The following PGGT1B variants were observed in gnomAD, a reference collection of about 807,000 sequenced individuals.
PGGT1B encodes the protein protein geranylgeranyltransferase type I subunit beta.
In PGGT1B, 30 loss-of-function variants were observed where a neutral mutation model predicts 46.1. The ratio of observed to expected loss-of-function variants is 0.65; its 90% CI spans 0.49 to 0.88. PGGT1B has a LOEUF of 0.88. PGGT1B is among the 40% of genes least tolerant of loss of function. PGGT1B has a pLI of 0.00. For synonymous variants in PGGT1B, 170 were observed against 160.0 expected (o/e 1.06, Z -0.47); for missense variants, 376 against 455.9 (o/e 0.82, Z 1.60).
chr5:115,234,728 G>T (rs1757118736), intron 5 of PGGT1B, among the ~76,000 whole-genome samples: 1 of 152,002 alleles, frequency 6.6e-6, no homozygotes, highest in Non-Finnish European at 1.5e-5. Flanking sequence ...AGCCAGGACT[G>T]CTTGTCACTA....
At chr5:115,213,288 G>C (rs1429721895) in intron 8 of PGGT1B, among the ~76,000 whole-genome samples, 4 of 152,104 alleles carry the variant, frequency 2.6e-5, no homozygotes, top group South Asian at 2.1e-4. Flanking sequence ...ATCTTTCAGG[G>C]GGCAGCGATC....
At chr5:115,249,617 G>A (rs1430533581) in intron 2 of PGGT1B, among the ~76,000 whole-genome samples, 1 of 152,054 alleles carries the variant, frequency 6.6e-6, no homozygotes, top group Non-Finnish European at 1.5e-5. Flanking sequence ...TAATTGGAAT[G>A]AGTCAGGGTG....
At chr5:115,261,746 G>A (rs897434215) in intron 1 of PGGT1B, among the ~76,000 whole-genome samples, 1 of 152,158 alleles carries the variant, frequency 6.6e-6, no homozygotes, top group African/African-American at 2.4e-5. Flanking sequence ...TTTAGGAAGG[G>A]TGTTTAAGGA....
chr5:115,256,589 T>TG (rs1748324735), intron 1 of PGGT1B, among the ~76,000 whole-genome samples: 1 of 152,222 alleles, frequency 6.6e-6, no homozygotes, highest in African/African-American at 2.4e-5. Context: ...CAGAAATGCT[T>TG]GGCAGACAGA....
At chr5:115,231,138 C>T (rs1458336487) in intron 5 of PGGT1B, 117 bp from the exon 6 acceptor site, 6 of 527,092 alleles carry the variant, frequency 1.1e-5, no homozygotes, top group Non-Finnish European at 2.0e-5. Flanking sequence ...TTCTCCTTTA[C>T]ATCTTCCAAA....
intron 2 of PGGT1B, among the ~76,000 whole-genome samples, chr5:115,246,021 G>A (rs1175255765): frequency 2.0e-5 from 3 of 152,160 alleles, no homozygotes; most frequent in African/African-American, 7.2e-5. Flanking sequence ...TTTAAAAAAT[G>A]ATGCTCATTA....
chr5:115,229,918 T>G (rs910396478), intron 6 of PGGT1B, among the ~76,000 whole-genome samples: 3 of 151,920 alleles, frequency 2.0e-5, no homozygotes, highest in African/African-American at 7.3e-5. Flanking sequence ...TATATACCCC[T>G]TAGAGACACA....
At chr5:115,245,195 G>A (rs999677823) in intron 2 of PGGT1B, among the ~76,000 whole-genome samples, 3 of 152,062 alleles carry the variant, frequency 2.0e-5, no homozygotes, top group African/African-American at 7.2e-5. Context: ...ATTCTGTCAG[G>A]TGTTTTACAT....
At chr5:115,230,731 T>C (rs1296578074) in intron 6 of PGGT1B, among the ~76,000 whole-genome samples, 3 of 152,098 alleles carry the variant, frequency 2.0e-5, no homozygotes, top group African/African-American at 4.8e-5. Flanking sequence ...CAGATAACAC[T>C]TGAATAGATT....
intron 1 of PGGT1B, among the ~76,000 whole-genome samples, chr5:115,261,223 T>C (rs867165124): frequency 1.3e-5 from 2 of 152,216 alleles, no homozygotes; most frequent in South Asian, 4.1e-4. Flanking sequence ...GGTTTGGAAA[T>C]CTGAATCTTT....
chr5:115,237,473 A>G (rs1270443714), intron 4 of PGGT1B, among the ~76,000 whole-genome samples: 1 of 152,194 alleles, frequency 6.6e-6, no homozygotes, highest in Non-Finnish European at 1.5e-5. Context: ...TACAATATTC[A>G]GTGTTCACCC....
At chr5:115,260,640 T>A (rs758929629) in intron 1 of PGGT1B, among the ~76,000 whole-genome samples, 3 of 152,150 alleles carry the variant, frequency 2.0e-5, no homozygotes, top group Non-Finnish European at 2.9e-5. Context: ...GAAACTGACA[T>A]ATGCAGTTAT....
intron 6 of PGGT1B, among the ~76,000 whole-genome samples, chr5:115,229,402 C>T (rs1283430963): frequency 1.3e-5 from 2 of 152,050 alleles, no homozygotes; most frequent in African/African-American, 4.8e-5. Flanking sequence ...CCTACCAAGC[C>T]AAATTTATAG....
chr5:115,236,289 T>C (rs1365639079), intron 5 of PGGT1B, 101 bp downstream of exon 5: 6 of 854,016 alleles, frequency 7.0e-6, no homozygotes, highest in South Asian at 1.8e-5. Flanking sequence ...AATGCTCTTA[T>C]TTACAAATTG....
In PGGT1B at chr5:115,230,974, A is replaced by T. The variant is rs1402646586; in HGVS notation, c.658+2T>A. 1 of 1,557,796 alleles carries T rather than the reference A, an allele frequency of 6.4e-7. No homozygotes were observed. The highest frequency in any genetic ancestry group is 1.8e-5 in the Admixed American group (1 of 56,770). The stretch of plus-strand genomic sequence containing the variant: ...CATGTTCACTTATTTAAGATGTCTT[A>T]CCATGAGATTCAAGTCCAGCTCCCT... On this transcript the variant is annotated splice_donor_variant, in intron 6 of 8. Transcript: ENST00000419445. LOFTEE classifies it high-confidence loss of function.
Position 115,206,166 on chromosome 5 carries a change from G to A in PGGT1B, c.*6236C>T, listed in dbSNP as rs1756056759. 6.6e-6 allele frequency: 1 copy of A among 151,626 alleles called. No homozygotes were observed. Among genetic ancestry groups the A allele is most frequent in the Admixed American group, 6.6e-5 (1 of 15,184 alleles). 9.4% of individuals were successfully genotyped at this position (151,626 alleles called of 1,614,324 possible). ...GTATAAGTATATATTGTATTGGGAT[G>A]AGTAATACTTAAATGTTCAGATATT... On this transcript the variant is annotated 3_prime_UTR_variant, in exon 9 of 9. Transcript: ENST00000419445.
chr5:115,250,193 A>T (rs982752604), intron 2 of PGGT1B, among the ~76,000 whole-genome samples: 12 of 152,212 alleles, frequency 7.9e-5, no homozygotes, highest in Admixed American at 2.0e-4. Context: ...TCTAGATGTT[A>T]TAATTCCCTA....
At chr5:115,217,365 A>C (rs1276290113) in intron 7 of PGGT1B, among the ~76,000 whole-genome samples, 2 of 150,040 alleles carry the variant, frequency 1.3e-5, no homozygotes, top group Non-Finnish European at 3.0e-5. Context: ...ACTGGAATTA[A>C]AAATATTTTT....
intron 2 of PGGT1B, chr5:115,252,873 T>G: frequency 3.0e-6 from 1 of 336,168 alleles, no homozygotes. Context: ...CAAGTAGTCA[T>G]CAAAGTGGAA....
Sources: allele counts gnomAD v4.1 joint callset (sites outside exome capture counted in the v4.1 genomes callset), GRCh38; gene constraint gnomAD v4.1.1; transcripts MANE v1.5; gene names NCBI Gene and HGNC (gene_info 2026-07-23, HGNC 2026-07-21).